SCUBE1: variants seen among roughly 807,000 people sequenced by gnomAD.
The protein encoded by SCUBE1 is signal peptide, CUB domain and EGF like domain containing 1.
A neutral mutation model predicts 124.4 loss-of-function variants in SCUBE1; 59 were observed. That is an observed-to-expected ratio of 0.47 (90% CI 0.38 to 0.59). The LOEUF (loss-of-function observed/expected upper bound fraction) is 0.59. Among genes scored for constraint, SCUBE1 ranks in the 20% least tolerant of loss-of-function variants. The pLI, the probability that SCUBE1 is intolerant of heterozygous loss-of-function variation, is 0.00. For synonymous variants in SCUBE1, 545 were observed against 550.9 expected, an observed-to-expected ratio of 0.99 and a Z score of 0.15; for missense variants, 1,150 against 1,371.2, an observed-to-expected ratio of 0.84 and a Z score of 2.55.
At chr22:43,260,004 C>T (rs976314897) in intron 5 of SCUBE1, among the ~76,000 whole-genome samples, 7 of 152,182 alleles carry the variant, frequency 4.6e-5, no homozygotes, top group African/African-American at 7.2e-5. Context: ...CCAGGGATTC[C>T]GGGAGGCTGC....
intron 4 of SCUBE1, among the ~76,000 whole-genome samples, chr22:43,276,732 G>C (rs1924537595): frequency 6.6e-6 from 1 of 152,198 alleles, no homozygotes; most frequent in Non-Finnish European, 1.5e-5. Context: ...GTAGGGGGTG[G>C]GCACTGGTCT....
At chr22:43,332,564 G>C (rs978920008) in intron 2 of SCUBE1, among the ~76,000 whole-genome samples, 2 of 152,136 alleles carry the variant, frequency 1.3e-5, no homozygotes, top group African/African-American at 4.8e-5. Flanking sequence ...TGGCTGGTGG[G>C]GGACGAAACC....
At chr22:43,323,976 A>C (rs1253568826) in intron 2 of SCUBE1, among the ~76,000 whole-genome samples, 1 of 151,952 alleles carries the variant, frequency 6.6e-6, no homozygotes, top group Non-Finnish European at 1.5e-5. Flanking sequence ...ATGCCAAGAC[A>C]AAGAAAGAAA....
chr22:43,217,597 G>A lies in SCUBE1; in HGVS notation c.1891+658C>T, dbSNP rs564522260. Among the ~76,000 whole-genome samples the A allele has an allele frequency of 2.6e-5, 4 of 152,302 alleles. No individual in the cohort carries two copies. In the South Asian group the frequency reaches 8.3e-4, roughly 32 times the overall value. ...TCCTATGGCTCCCCATCCAACTCAA[G>A]AGTGGTGTCTGCCAGGCCCCATCAC... On this transcript the variant is annotated intron_variant, in intron 15 of 21. Transcript: ENST00000360835.
intron 4 of SCUBE1, chr22:43,283,429 A>G (rs1925006156): frequency 6.6e-6 from 1 of 152,160 alleles, no homozygotes; most frequent in Non-Finnish European, 1.5e-5. Context: ...TAATATTAGT[A>G]TCCATCTGAG....
chr22:43,205,867 ACAC>A (rs1366564834), intron 21 of SCUBE1, among the ~76,000 whole-genome samples: 1 of 62,808 alleles, frequency 1.6e-5, no homozygotes, highest in African/African-American at 6.4e-5. Context: ...ACCCCCACAC[ACAC>A]CACACCCACC....
At chr22:43,330,308 C>T (rs930633776) in intron 2 of SCUBE1, among the ~76,000 whole-genome samples, 4 of 152,180 alleles carry the variant, frequency 2.6e-5, no homozygotes, top group Non-Finnish European at 5.9e-5. Flanking sequence ...TTGACCATCA[C>T]AGCTGGAAGG....
chr22:43,214,353 G>A (rs1433785608), intron 15 of SCUBE1, 102 bp from the exon 16 acceptor site: 3 of 1,243,342 alleles, frequency 2.4e-6, no homozygotes, highest in South Asian at 1.5e-5. Flanking sequence ...CACAGTCCTT[G>A]TCCCCTGGGG....
intron 7 of SCUBE1, among the ~76,000 whole-genome samples, chr22:43,237,080 T>C (rs1922797652): frequency 6.8e-6 from 1 of 147,222 alleles, no homozygotes; most frequent in Non-Finnish European, 1.5e-5. Context: ...CCCCGACCGC[T>C]TGAAGAGCAA....
chr22:43,260,473 G>A (rs1242704188), intron 5 of SCUBE1, among the ~76,000 whole-genome samples: 1 of 152,246 alleles, frequency 6.6e-6, no homozygotes, highest in Non-Finnish European at 1.5e-5. Flanking sequence ...CAGTCCTCTT[G>A]AGCCACAGAG....
At chr22:43,257,569 G>C (rs1391252125) in intron 6 of SCUBE1, among the ~76,000 whole-genome samples, 1 of 152,176 alleles carries the variant, frequency 6.6e-6, no homozygotes, top group Non-Finnish European at 1.5e-5. Flanking sequence ...GGTGAGAGAC[G>C]GGCTGGGGCA....
chr22:43,336,128 G>A (rs1476139548), intron 2 of SCUBE1, among the ~76,000 whole-genome samples: 1 of 152,142 alleles, frequency 6.6e-6, no homozygotes, highest in East Asian at 1.9e-4. Context: ...ACTATACTGT[G>A]CCTCACTCAA....
intron 2 of SCUBE1, among the ~76,000 whole-genome samples, chr22:43,328,469 C>T (rs77167871): frequency 0.012 from 1,857 of 152,304 alleles, 36 homozygotes; most frequent in African/African-American, 0.043. Context: ...ATAGGCCCAG[C>T]CACCTCCAAG....
At chr22:43,240,170 G>A (rs1408391288) in intron 6 of SCUBE1, among the ~76,000 whole-genome samples, 10 of 152,202 alleles carry the variant, frequency 6.6e-5, no homozygotes, top group Admixed American at 1.3e-4. Context: ...CCTCCTCATG[G>A]TCACGGCTGA....
intron 3 of SCUBE1, among the ~76,000 whole-genome samples, chr22:43,295,578 G>A (rs1364867444): frequency 6.6e-6 from 1 of 152,238 alleles, no homozygotes; most frequent in African/African-American, 2.4e-5. Flanking sequence ...GCTGTGAGTG[G>A]GCTCTCATAG....
At chr22:43,242,945 G>A (rs1923064695) in intron 6 of SCUBE1, among the ~76,000 whole-genome samples, 1 of 152,238 alleles carries the variant, frequency 6.6e-6, no homozygotes, top group East Asian at 1.9e-4. Flanking sequence ...AACTTACATT[G>A]CCTGTCCAGG....
Position 43,208,179 on chromosome 22 carries a change from T to C in SCUBE1, c.2627A>G (p.Glu876Gly), listed in dbSNP as rs1235141431. 6.2e-7 allele frequency: 1 copy of C among 1,614,110 alleles called. No individual in the cohort carries two copies. The highest frequency in any genetic ancestry group is 1.7e-5 in the Admixed American group (1 of 60,026). ...GCGGGAGGTGAAGGCGATGGGCCTC[T>C]CGTAGGTCTGGCAGGTCTCATAGGT... ...ITTYETCQTY[E>G]RPIAFTSRSR... The change falls in exon 20 of 22, where the codon GAG (glutamate) becomes GGG (glycine). Residue 876 changes from glutamate (E) to glycine (G), a missense_variant. Physicochemically the swap from Glu to Gly is moderately conservative, Grantham distance 98. This residue lies in a region of SCUBE1 where 757 missense variants were observed against 840.9 expected (regional missense o/e 0.90). Transcript: ENST00000360835.
chr22:43,291,982 G>A lies in SCUBE1; in HGVS notation c.350-802C>T, dbSNP rs73424020. ...CCCTGAAACCTCAGCTCTCAGTGACGTCGCCAGACCCCCCACTCTAGGAAG... is the reference window on the plus strand; with the variant it reads ...CCCTGAAACCTCAGCTCTCAGTGACATCGCCAGACCCCCCACTCTAGGAAG... On this transcript the variant is annotated intron_variant, in intron 3 of 21. Coordinates refer to ENST00000360835, the MANE Select transcript of SCUBE1 (RefSeq NM_173050.5). 4.3e-3 allele frequency among the ~76,000 whole-genome samples: 651 copies of A among 152,150 alleles called. 5 individuals are homozygous for A. The highest frequency in any genetic ancestry group is 0.015 in the African/African-American group (635 of 41,482).
At chr22:43,249,329 C>T (rs5001597) in intron 6 of SCUBE1, among the ~76,000 whole-genome samples, 4 of 137,132 alleles carry the variant, frequency 2.9e-5, no homozygotes, top group African/African-American at 5.5e-5. Context: ...CTGGGGTGGA[C>T]GGGAGCTGGG....
Sources: allele counts gnomAD v4.1 joint callset (sites outside exome capture counted in the v4.1 genomes callset), GRCh38; gene constraint gnomAD v4.1.1; regional missense constraint gnomAD v4.1.1; transcripts MANE v1.5; gene names NCBI Gene and HGNC (gene_info 2026-07-23, HGNC 2026-07-21).